The following RPRD2 variants were observed in gnomAD, a reference collection of about 807,000 sequenced individuals.
RPRD2 encodes the protein regulation of nuclear pre-mRNA domain containing 2.
A neutral mutation model predicts 104.4 loss-of-function variants in RPRD2; 12 were observed. That is an observed-to-expected ratio of 0.11 (90% CI 0.07 to 0.19). The LOEUF (loss-of-function observed/expected upper bound fraction) is 0.19. RPRD2 is among the 10% of genes least tolerant of loss of function. RPRD2 has a pLI of 1.00. For missense variants in RPRD2, 1,543 were observed against 1,790.1 expected (o/e 0.86, Z 2.49); for synonymous variants, 714 against 684.9 (o/e 1.04, Z -0.66).
At chr1:150,464,492 A>T in intron 9 of RPRD2, 35 bp from the exon 10 acceptor site, 1 of 1,533,740 alleles carries the variant, frequency 6.5e-7, no homozygotes, top group Non-Finnish European at 8.9e-7. Context: ...GTCATTTTGA[A>T]TTGCATTTTC....
chr1:150,382,548 G>C (rs1467761046), intron 1 of RPRD2, among the ~76,000 whole-genome samples: 1 of 152,068 alleles, frequency 6.6e-6, no homozygotes, highest in Non-Finnish European at 1.5e-5. Context: ...TAGTAGAGAC[G>C]GGGTTTCATC....
intron 2 of RPRD2, among the ~76,000 whole-genome samples, chr1:150,423,374 A>G (rs1309001256): frequency 1.3e-5 from 2 of 152,168 alleles, no homozygotes; most frequent in African/African-American, 2.4e-5. Context: ...GTGTAAGAGT[A>G]GGTATATCTT....
intron 2 of RPRD2, among the ~76,000 whole-genome samples, chr1:150,425,829 G>T (rs1665083970): frequency 6.6e-6 from 1 of 151,798 alleles, no homozygotes; most frequent in African/African-American, 2.4e-5. Flanking sequence ...AGTAAGAGAG[G>T]GCTGGGTGTG....
chr1:150,381,042 A>G (rs1553880701), intron 1 of RPRD2, among the ~76,000 whole-genome samples: 1 of 152,052 alleles, frequency 6.6e-6, no homozygotes, highest in African/African-American at 2.4e-5. Flanking sequence ...CCTCACCCCC[A>G]AAAAGAATGT....
In RPRD2 at chr1:150,465,699, A is replaced by G. The variant is rs138631907; in HGVS notation, c.1612+972A>G. Among the ~76,000 whole-genome samples, 1,120 of 152,240 alleles carry G rather than the reference A, an allele frequency of 7.4e-3. 16 individuals carry two copies. Among genetic ancestry groups the G allele is most frequent in the African/African-American group, 0.026 (1,081 of 41,530 alleles). On this transcript the variant is annotated intron_variant, in intron 10 of 10. Coordinates refer to ENST00000369068, the MANE Select transcript of RPRD2 (RefSeq NM_015203.5). Reference sequence around the variant, plus strand: ...GTCCCAGCTTTTAATACAGGTTTATATATGTTGAGTTTTATTAATTTCAGT... The same window carrying G: ...GTCCCAGCTTTTAATACAGGTTTATGTATGTTGAGTTTTATTAATTTCAGT...
Position 150,471,543 on chromosome 1 carries a change from T to A in RPRD2, c.2595T>A (p.Asp865Glu). Residue 865 changes from aspartate (D) to glutamate (E), a missense_variant, in exon 11 of 11, where the codon GAT becomes GAA. Transcript: ENST00000369068. This position sits in a 1 kb window ranked among gnomAD's most constrained non-coding sequence, Gnocchi z 5.3. ...KSILKSSKLS[D>E]TTEYQPILSS... ...TCCTGAAATCAAGCAAGCTGTCTGA[T>A]ACCACCGAGTACCAGCCAATTCTGT... 6.2e-7 allele frequency: 1 copy of A among 1,613,836 alleles called. No individual in the cohort carries two copies. Among genetic ancestry groups the A allele is most frequent in the East Asian group, 2.2e-5 (1 of 44,868 alleles).
chr1:150,384,456 T>C (rs28485915), intron 1 of RPRD2, among the ~76,000 whole-genome samples: 4,034 of 38,888 alleles, frequency 0.1, 194 homozygotes, highest in African/African-American at 0.21. Flanking sequence ...TCATCATTAT[T>C]ATTATTATTA....
chr1:150,452,661 CTTTTTTTT>C (rs782322743), intron 7 of RPRD2, among the ~76,000 whole-genome samples: 3 of 71,220 alleles, frequency 4.2e-5, no homozygotes, highest in Admixed American at 1.9e-4. Context: ...GACATATCCC[CTTTTTTTT>C]TTTTTTTTTT....
rs587702511 is a variant in RPRD2 at position 150,392,606 on chromosome 1, G to A, written c.206-24990G>A. Among the ~76,000 whole-genome samples the A allele has an allele frequency of 8.5e-5, 13 of 152,298 alleles. No individual in the cohort carries two copies. The South Asian group carries it at 1.9e-3, about 22-fold the overall frequency. On this transcript the variant is annotated intron_variant, in intron 1 of 10. Transcript: ENST00000369068. ...CATGGCTCATCCCTGTAGTCTCAGCGCTTTGGCAGGACTATCGCGTGAAGC... is the reference window on the plus strand; with the variant it reads ...CATGGCTCATCCCTGTAGTCTCAGCACTTTGGCAGGACTATCGCGTGAAGC...
chr1:150,448,074 G>A (rs1666914343), intron 7 of RPRD2, among the ~76,000 whole-genome samples: 1 of 152,068 alleles, frequency 6.6e-6, no homozygotes, highest in Non-Finnish European at 1.5e-5. Flanking sequence ...TCCCTACTTC[G>A]TAAAATTTGG....
At chr1:150,432,895 T>A (rs587728241) in intron 2 of RPRD2, among the ~76,000 whole-genome samples, 10 of 152,152 alleles carry the variant, frequency 6.6e-5, no homozygotes, top group Non-Finnish European at 1.5e-4. Flanking sequence ...GAGGATCACC[T>A]AAGCCTGGGA....
chr1:150,448,082 T>TGGTTAGTA (rs1553895880), intron 7 of RPRD2, among the ~76,000 whole-genome samples: 1 of 152,242 alleles, frequency 6.6e-6, no homozygotes, highest in Non-Finnish European at 1.5e-5. Flanking sequence ...TCGTAAAATT[T>TGGTTAGTA]GGTTAGTAGC....
intron 1 of RPRD2, among the ~76,000 whole-genome samples, chr1:150,407,505 G>GT (rs1560176725): frequency 6.6e-6 from 1 of 152,138 alleles, no homozygotes; most frequent in Non-Finnish European, 1.5e-5. Flanking sequence ...TCAGCCTAAC[G>GT]TATGTGACCA....
At chr1:150,436,683 G>T (rs1477371813) in intron 2 of RPRD2, among the ~76,000 whole-genome samples, 1 of 150,470 alleles carries the variant, frequency 6.6e-6, no homozygotes, top group Non-Finnish European at 1.5e-5. Context: ...CTAGTGGATG[G>T]ATCACTTGAG....
chr1:150,406,116 G>A (rs587681574), intron 1 of RPRD2, among the ~76,000 whole-genome samples: 10 of 152,300 alleles, frequency 6.6e-5, no homozygotes, highest in African/African-American at 2.2e-4. Context: ...AGAAATTCGT[G>A]CTAGTTTTGC....
chr1:150,390,584 T>C (rs935676792), intron 1 of RPRD2, among the ~76,000 whole-genome samples: 1 of 152,092 alleles, frequency 6.6e-6, no homozygotes, highest in Non-Finnish European at 1.5e-5. Flanking sequence ...AAGGAACAAC[T>C]CTTAGACAGT....
chr1:150,451,766 G>C (rs1292280713), intron 7 of RPRD2, among the ~76,000 whole-genome samples: 1 of 151,932 alleles, frequency 6.6e-6, no homozygotes, highest in Non-Finnish European at 1.5e-5. Context: ...TTGGAAATAG[G>C]GTCTTTGCTG....
chr1:150,422,658 A>T (rs1490847565), intron 2 of RPRD2, among the ~76,000 whole-genome samples: 1 of 152,192 alleles, frequency 6.6e-6, no homozygotes, highest in East Asian at 1.9e-4. Flanking sequence ...CCAGGACAGA[A>T]ATGTGGATTT....
chr1:150,389,548 G>A (rs1258671283), intron 1 of RPRD2, among the ~76,000 whole-genome samples: 2 of 152,062 alleles, frequency 1.3e-5, no homozygotes, highest in Non-Finnish European at 2.9e-5. Flanking sequence ...ATGTTTTACC[G>A]CTAATGATAC....
Sources: gnomAD v4.1 joint callset for allele counts (sites outside exome capture counted in the v4.1 genomes callset) on GRCh38, gnomAD v4.1.1 for gene constraint, Gnocchi (gnomAD v3.1) non-coding constraint, MANE v1.5 for transcripts, NCBI Gene and HGNC (gene_info 2026-07-23, HGNC 2026-07-21) for gene names.